GOLGB1: variants seen among roughly 807,000 people sequenced by gnomAD.
GOLGB1 encodes the protein golgin subfamily B member 1.
In GOLGB1, 174 loss-of-function variants were observed where a neutral mutation model predicts 336.9. That is an observed-to-expected ratio of 0.52 (90% CI 0.46 to 0.59). GOLGB1 has a LOEUF of 0.59. Among genes scored for constraint, GOLGB1 ranks in the 20% least tolerant of loss-of-function variants. GOLGB1 has a pLI of 0.00. For missense variants in GOLGB1, 3,331 were observed against 3,645.3 expected, an observed-to-expected ratio of 0.91 and a Z score of 2.22; for synonymous variants, 1,208 against 1,289.2, an observed-to-expected ratio of 0.94 and a Z score of 1.35.
chr3:121,703,806 A>C (rs1943594040), intron 10 of GOLGB1, among the ~76,000 whole-genome samples: 1 of 152,198 alleles, frequency 6.6e-6, no homozygotes, highest in African/African-American at 2.4e-5. Context: ...AAATATAATC[A>C]ACAGATTCTA....
chr3:121,719,798 A>G lies in GOLGB1; in HGVS notation c.649-30T>C, dbSNP rs373739471. The G allele has an allele frequency of 2.6e-6, 4 of 1,567,256 alleles. No homozygotes were observed. The Admixed American group carries it at 7.4e-5, about 29-fold the overall frequency. On this transcript the variant is annotated intron_variant, in intron 6 of 21. Coordinates refer to ENST00000614479, the MANE Select transcript of GOLGB1 (RefSeq NM_001366282.2). ...AGACACATACCAGAGAAACTATGCA[A>G]GTTACACTCCCCGAATATTGCACAA...
rs765905760 is a variant in GOLGB1, at chr3:121,698,859, T to G, written c.1664A>C (p.Asn555Thr). ...AEESGQDVLENTFSQKHKELS... is the reference protein window; with the variant it reads ...AEESGQDVLETTFSQKHKELS... ...TTCTTTATGTTTCTGAGAAAATGTG[T>G]TTTCTAGAACATCTTGTCCACTTTC... Residue 555 changes from asparagine (N) to threonine (T), a missense_variant, in exon 13 of 22, where the codon AAC becomes ACC. Coordinates refer to ENST00000614479, the MANE Select transcript of GOLGB1 (RefSeq NM_001366282.2). The G allele has an allele frequency of 6.2e-7, 1 of 1,611,124 alleles. No homozygotes were observed. The highest frequency in any genetic ancestry group is 1.7e-5 in the Admixed American group (1 of 59,890).
chr3:121,731,484 C>T (rs1173116561), intron 1 of GOLGB1, among the ~76,000 whole-genome samples: 3 of 152,008 alleles, frequency 2.0e-5, no homozygotes, highest in Admixed American at 6.6e-5. Context: ...CCACCTCAGC[C>T]TTTCGAGTAG....
intron 15 of GOLGB1, among the ~76,000 whole-genome samples, chr3:121,679,936 CT>C (rs548426403): frequency 6.6e-6 from 1 of 152,180 alleles, no homozygotes; most frequent in Non-Finnish European, 1.5e-5. Context: ...GGATTCTGGA[CT>C]TTGAGTACTA....
At chr3:121,664,897 C>T (rs755981287) in intron 21 of GOLGB1, 29 bp downstream of exon 21, 2 of 1,323,508 alleles carry the variant, frequency 1.5e-6, no homozygotes. Context: ...GATAATAAAA[C>T]ACCCTCTCTT....
chr3:121,689,608 C>T (rs1185546822), intron 14 of GOLGB1, among the ~76,000 whole-genome samples: 1 of 149,594 alleles, frequency 6.7e-6, no homozygotes, highest in African/African-American at 2.5e-5. Context: ...TATGACCCTG[C>T]CAAATCCCCC....
chr3:121,716,851 T>A lies in GOLGB1; in HGVS notation c.1174A>T (p.Thr392Ser), dbSNP rs116046497. 10 of 1,613,828 alleles carry A rather than the reference T, an allele frequency of 6.2e-6. No homozygotes were observed. The highest frequency in any genetic ancestry group is 8.5e-6 in the Non-Finnish European group (10 of 1,179,828). The change falls in exon 9 of 22, where the codon ACT becomes TCT. Residue 392 changes from threonine (T) to serine (S), a missense_variant. Transcript: ENST00000614479. ...KTSHILSLQK[T>S]GQELQSACDA... ...CAGGCAGACTGCAGCTCTTGTCCAG[T>A]CTTTTGAAGACTCAAAATATGAGAG...
Position 121,677,032 on chromosome 3 carries a change from TG to T in GOLGB1, c.9040-3del. ...GGAAGCTGATGTCTCTGGGGATGCC[TG>T]CCAGGACACAAACATTGATCAGATT... is the stretch of plus-strand genomic sequence containing the variant. On this transcript the variant is annotated splice_region_variant and splice_polypyrimidine_tract_variant and intron_variant, in intron 16 of 21. Coordinates refer to ENST00000614479, the MANE Select transcript of GOLGB1 (RefSeq NM_001366282.2). 1.9e-6 allele frequency: 3 copies of T among 1,613,960 alleles called. No homozygotes were observed. The highest frequency in any genetic ancestry group is 2.5e-6 in the Non-Finnish European group (3 of 1,179,872).
At chr3:121,666,344 T>C (rs1350666946) in intron 20 of GOLGB1, among the ~76,000 whole-genome samples, 1 of 152,132 alleles carries the variant, frequency 6.6e-6, no homozygotes, top group Middle Eastern at 3.2e-3. Context: ...ATCCCACACA[T>C]GCAGTCTCAG....
At chr3:121,690,597 T>C in intron 14 of GOLGB1, 73 bp downstream of exon 14, 1 of 758,122 alleles carries the variant, frequency 1.3e-6, no homozygotes, top group Admixed American at 3.6e-5. Flanking sequence ...GTTTATCCTT[T>C]TCTATAAAAA....
intron 4 of GOLGB1, 118 bp downstream of exon 4, chr3:121,729,069 CA>C: frequency 3.2e-6 from 2 of 620,130 alleles, no homozygotes; most frequent in South Asian, 6.6e-5. Flanking sequence ...AAAAAAAAAA[CA>C]AAACATTATT....
chr3:121,727,310 ATATATATATATTTTTTTTTTT>A (rs1362944019), intron 4 of GOLGB1, among the ~76,000 whole-genome samples: 14 of 32,688 alleles, frequency 4.3e-4, no homozygotes, highest in South Asian at 1.9e-3. Flanking sequence ...ATATATATAT[ATATATATATATTTTTTTTTTT>A]TTTTTTTTTT....
Position 121,663,203 on chromosome 3 carries a change from C to A in GOLGB1, c.*1277G>T, listed in dbSNP as rs1451641245. The A allele has an allele frequency of 6.6e-6, 1 of 152,154 alleles. No homozygotes were observed. Among genetic ancestry groups the A allele is most frequent in the Non-Finnish European group, 1.5e-5 (1 of 68,046 alleles). 9.4% of individuals were successfully genotyped at this position (152,154 alleles called of 1,614,324 possible). ...TACACACACATACACACAAACTCTT[C>A]ATTCTGAAAATAATTTTATTATTTT... On this transcript the variant is annotated 3_prime_UTR_variant, in exon 22 of 22. Transcript: ENST00000614479.
chr3:121,688,714 C>T (rs1942058552), intron 14 of GOLGB1, among the ~76,000 whole-genome samples: 2 of 151,750 alleles, frequency 1.3e-5, no homozygotes, highest in East Asian at 2.0e-4. Context: ...CGTCTCTGCC[C>T]GGCCGCCATC....
chr3:121,743,622 A>G (rs541317262), intron 1 of GOLGB1, among the ~76,000 whole-genome samples: 2 of 152,324 alleles, frequency 1.3e-5, no homozygotes, highest in Admixed American at 1.3e-4. Flanking sequence ...TAAAAAAAAT[A>G]CAGTTAATCA....
At chr3:121,673,364 C>A (rs557763036) in intron 17 of GOLGB1, among the ~76,000 whole-genome samples, 1 of 152,042 alleles carries the variant, frequency 6.6e-6, no homozygotes, top group Non-Finnish European at 1.5e-5. Flanking sequence ...CCACCACACT[C>A]GACCCAGTTT....
chr3:121,734,355 A>C (rs1268276530), intron 1 of GOLGB1, among the ~76,000 whole-genome samples: 1 of 143,336 alleles, frequency 7.0e-6, no homozygotes, highest in Admixed American at 7.5e-5. Context: ...ATGCCACTGC[A>C]CTCCAGTCTA....
intron 15 of GOLGB1, among the ~76,000 whole-genome samples, chr3:121,681,031 A>C (rs1247328892): frequency 3.9e-5 from 6 of 152,240 alleles, no homozygotes; most frequent in Non-Finnish European, 7.3e-5. Context: ...AAACTTATAC[A>C]CAAATGTTCA....
chr3:121,736,974 G>C (rs1946517255), intron 1 of GOLGB1, among the ~76,000 whole-genome samples: 1 of 152,114 alleles, frequency 6.6e-6, no homozygotes, highest in Non-Finnish European at 1.5e-5. Context: ...GGACATTACT[G>C]GAAAAAATGG....
Sources: allele counts gnomAD v4.1 joint callset (sites outside exome capture counted in the v4.1 genomes callset), GRCh38; gene constraint gnomAD v4.1.1; transcripts MANE v1.5; gene names NCBI Gene and HGNC (gene_info 2026-07-23, HGNC 2026-07-21).